Variants in NEMF observed in about 807,000 individuals in gnomAD.
The protein encoded by NEMF is ribosome quality control complex subunit NEMF.
A neutral mutation model predicts 162.2 loss-of-function variants in NEMF; 89 were observed. That is an observed-to-expected ratio of 0.55 (90% CI 0.46 to 0.65). The LOEUF is 0.65. NEMF is among the 30% of genes least tolerant of loss of function. The probability of loss-of-function intolerance (pLI) is 0.00; values close to 1 mark genes in which losing one functional copy is unlikely to be tolerated. For synonymous variants in NEMF, 421 were observed against 404.5 expected (o/e 1.04, Z -0.49); for missense variants, 1,133 against 1,261.9 (o/e 0.90, Z 1.55).
intron 16 of NEMF, among the ~76,000 whole-genome samples, chr14:49,824,696 T>C (rs528563265): frequency 1.3e-5 from 2 of 152,162 alleles, no homozygotes; most frequent in Non-Finnish European, 2.9e-5. Context: ...CCCAGAGTGC[T>C]GAGATTACAG....
At chr14:49,790,689 G>A (rs1345813891) in intron 26 of NEMF, among the ~76,000 whole-genome samples, 1 of 152,034 alleles carries the variant, frequency 6.6e-6, no homozygotes, top group Non-Finnish European at 1.5e-5. Flanking sequence ...CATACTTAGG[G>A]ATCCAAAAGT....
intron 5 of NEMF, 85 bp downstream of exon 5, chr14:49,840,633 C>T: frequency 8.1e-7 from 1 of 1,235,828 alleles, no homozygotes; most frequent in Non-Finnish European, 1.1e-6. Context: ...CCCATTTTAC[C>T]TTTTTTTTAA....
At chr14:49,845,721 T>C (rs1893466867) in intron 4 of NEMF, among the ~76,000 whole-genome samples, 1 of 152,228 alleles carries the variant, frequency 6.6e-6, no homozygotes, top group South Asian at 2.1e-4. Flanking sequence ...AAGATGTCAC[T>C]AAGCAGTAAG....
At chr14:49,826,457 T>C (rs1465757432) in intron 15 of NEMF, among the ~76,000 whole-genome samples, 3 of 147,862 alleles carry the variant, frequency 2.0e-5, no homozygotes, top group African/African-American at 7.5e-5. Flanking sequence ...AAAGAAGGTA[T>C]CTCTGAGGAA....
intron 16 of NEMF, among the ~76,000 whole-genome samples, chr14:49,825,612 T>C (rs1892298450): frequency 6.6e-6 from 1 of 152,150 alleles, no homozygotes. Context: ...GGCATGTGCC[T>C]GTAGTCTCAG....
intron 18 of NEMF, among the ~76,000 whole-genome samples, chr14:49,813,747 G>A (rs960263680): frequency 1.3e-5 from 2 of 151,786 alleles, no homozygotes; most frequent in Non-Finnish European, 2.9e-5. Context: ...GGGACTACAG[G>A]TGCATGCCAC....
intron 1 of NEMF, among the ~76,000 whole-genome samples, chr14:49,852,312 G>A (rs1295608955): frequency 1.3e-5 from 2 of 152,204 alleles, no homozygotes; most frequent in Non-Finnish European, 2.9e-5. Flanking sequence ...TCTCTCTGGG[G>A]TGAGGGGAGG....
At position 49,795,845 on chromosome 14, in the gene NEMF, A is replaced by G. The variant is rs377268203; in HGVS notation, c.2565T>C (p.His855=). Residue 855 remains histidine, a synonymous_variant, in exon 26 of 33, where the codon CAT becomes CAC. Transcript: ENST00000298310. ...CCGCAACATTTTTGCTTGTGTTCTGATGAGTTTCAATGTGTACAGTACTTT... is the reference window on the plus strand; with the variant it reads ...CCGCAACATTTTTGCTTGTGTTCTGGTGAGTTTCAATGTGTACAGTACTTT... The part of the protein sequence containing the change: ...EKESTVHIET[H]QNTSKNVAAV... The G allele has an allele frequency of 3.1e-5, 50 of 1,613,328 alleles. No individual in the cohort carries two copies. Among genetic ancestry groups the G allele is most frequent in the Non-Finnish European group, 4.1e-5 (48 of 1,179,728 alleles).
intron 25 of NEMF, among the ~76,000 whole-genome samples, chr14:49,799,116 G>A (rs1890827598): frequency 1.4e-5 from 2 of 145,554 alleles, no homozygotes; most frequent in Non-Finnish European, 1.5e-5. Flanking sequence ...GGCTGAAGCA[G>A]GAGACTGCCT....
rs904070766 is a variant in NEMF, at chr14:49,802,467, T to C, written c.2081A>G (p.Glu694Gly). The C allele has an allele frequency of 1.2e-6, 2 of 1,613,034 alleles. No homozygotes were observed. Among genetic ancestry groups the C allele is most frequent in the Admixed American group, 1.7e-5 (1 of 59,776 alleles). ...ASCTSELISE[E>G]MEQLDGGDTS... is the part of the protein sequence containing the mutation. ...CTATAAACTACCTAATTGTTCCATT[T>C]CTTCTGATATGAGTTCACTTGTACA... Residue 694 changes from glutamate to glycine, a missense_variant, in exon 22 of 33, where the codon GAA becomes GGA. Coordinates refer to ENST00000298310, the MANE Select transcript of NEMF (RefSeq NM_004713.6).
At chr14:49,833,932 AT>A (rs2139984534) in intron 7 of NEMF, among the ~76,000 whole-genome samples, 1 of 152,340 alleles carries the variant, frequency 6.6e-6, no homozygotes, top group East Asian at 1.9e-4. Context: ...CTTTTGCTCC[AT>A]ATAAACATCA....
chr14:49,837,833 A>C (rs1316292358), intron 6 of NEMF, among the ~76,000 whole-genome samples: 7 of 134,682 alleles, frequency 5.2e-5, no homozygotes, highest in Admixed American at 7.6e-5. Flanking sequence ...AAAAAAAAAA[A>C]CCAAAAAAAA....
At position 49,800,533 on chromosome 14, in the gene NEMF, TTCTCCTTCG is replaced by T. The variant is rs1271329466; in HGVS notation, c.2250_2258del (p.Asp750_Gly752del). ...CCTGATCTTTTCTAACCTCTTCATA[TTCTCCTTCG>T]TCTTCAGAGCTTTCTTCCTGAATGA... On this transcript the variant is annotated inframe_deletion, in exon 23 of 33. Coordinates refer to ENST00000298310, the MANE Select transcript of NEMF (RefSeq NM_004713.6). 1 of 1,613,964 alleles carries T rather than the reference TTCTCCTTCG, an allele frequency of 6.2e-7. No homozygotes were observed. Among genetic ancestry groups the T allele is most frequent in the East Asian group, 2.2e-5 (1 of 44,888 alleles).
chr14:49,837,380 G>A (rs998094404), intron 6 of NEMF, among the ~76,000 whole-genome samples: 2 of 152,068 alleles, frequency 1.3e-5, no homozygotes, highest in Non-Finnish European at 2.9e-5. Context: ...GGCCAAGTGT[G>A]GTGGCTCACG....
chr14:49,852,462 C>A (rs1285055193), intron 1 of NEMF, among the ~76,000 whole-genome samples: 1 of 152,248 alleles, frequency 6.6e-6, no homozygotes, highest in Non-Finnish European at 1.5e-5. Flanking sequence ...GCTAGCGGGG[C>A]AAGCCAGAGA....
chr14:49,845,568 C>G (rs1222627517), intron 4 of NEMF, among the ~76,000 whole-genome samples: 1 of 152,180 alleles, frequency 6.6e-6, no homozygotes, highest in Non-Finnish European at 1.5e-5. Context: ...TATCGTACAG[C>G]TGTACAATAC....
At chr14:49,834,973 C>T (rs1892826455) in intron 6 of NEMF, among the ~76,000 whole-genome samples, 1 of 152,138 alleles carries the variant, frequency 6.6e-6, no homozygotes, top group African/African-American at 2.4e-5. Context: ...CCAAGGCAGG[C>T]AGATCACCTG....
chr14:49,826,313 C>T (rs1196610369), intron 15 of NEMF, among the ~76,000 whole-genome samples: 1 of 151,974 alleles, frequency 6.6e-6, no homozygotes, highest in African/African-American at 2.4e-5. Context: ...ACAAAGCCCC[C>T]ACTCCCACCC....
chr14:49,850,265 G>C (rs1029970167), intron 3 of NEMF, among the ~76,000 whole-genome samples: 3 of 152,070 alleles, frequency 2.0e-5, no homozygotes, highest in Non-Finnish European at 2.9e-5. Flanking sequence ...ACCACGCCTG[G>C]CTAGTAGAGA....
Sources: allele counts gnomAD v4.1 joint callset (sites outside exome capture counted in the v4.1 genomes callset), GRCh38; gene constraint gnomAD v4.1.1; transcripts MANE v1.5; gene names NCBI Gene and HGNC (gene_info 2026-07-23, HGNC 2026-07-21).